The following GPR89A variants were observed in gnomAD, a reference collection of about 807,000 sequenced individuals.
The protein encoded by GPR89A is golgi pH regulator A.
A neutral mutation model predicts 52.0 loss-of-function variants in GPR89A; 16 were observed. The ratio of observed to expected loss-of-function variants is 0.31; its 90% CI spans 0.21 to 0.47. GPR89A has a LOEUF of 0.47. GPR89A is among the 20% of genes least tolerant of loss of function. The probability of loss-of-function intolerance (pLI) is 1.00; values close to 1 mark genes in which losing one functional copy is unlikely to be tolerated. For synonymous variants in GPR89A, 55 were observed against 150.9 expected (o/e 0.36, Z 4.66); for missense variants, 135 against 449.4 (o/e 0.30, Z 6.33).
chr1:145,655,686 A>G (rs1426768243), intron 10 of GPR89A, among the ~76,000 whole-genome samples: 1 of 152,178 alleles, frequency 6.6e-6, no homozygotes, highest in Non-Finnish European at 1.5e-5. Context: ...TCTGGGAGGA[A>G]GCACTGACCT....
At chr1:145,642,782 C>A (rs1293615616) in intron 7 of GPR89A, among the ~76,000 whole-genome samples, 1 of 151,144 alleles carries the variant, frequency 6.6e-6, no homozygotes, top group Admixed American at 6.6e-5. Context: ...TCATTTTATG[C>A]CTGTAGGCCT....
intron 1 of GPR89A, among the ~76,000 whole-genome samples, chr1:145,615,031 CAGTTTAAGAAGAAAAGAGT>C (rs1220954618): frequency 1.3e-5 from 2 of 152,118 alleles, no homozygotes; most frequent in Non-Finnish European, 2.9e-5. Flanking sequence ...AGGTCCTAGC[CAGTTTAAGAAGAAAAGAGT>C]AGTTGTGTCA....
In GPR89A at chr1:145,647,426, C is replaced by A. The variant is rs144847953; in HGVS notation, c.909+159C>A. 4.9e-3 allele frequency among the ~76,000 whole-genome samples: 742 copies of A among 152,228 alleles called. 6 individuals are homozygous for A. Among genetic ancestry groups the A allele is most frequent in the African/African-American group, 0.017 (698 of 41,516 alleles). On this transcript the variant is annotated intron_variant, in intron 10 of 13. Coordinates refer to ENST00000313835, the MANE Select transcript of GPR89A (RefSeq NM_001097612.2). ...ACATCTCTGGGCTTCATTCGTTATC[C>A]TCTCTCCTTTTTAGATTACATAGAT...
intron 12 of GPR89A, among the ~76,000 whole-genome samples, chr1:145,668,998 C>T (rs1394551470): frequency 4.6e-5 from 7 of 151,740 alleles, no homozygotes; most frequent in Admixed American, 6.6e-5. Flanking sequence ...ATTTTTGCAT[C>T]GATGTTCATC....
intron 10 of GPR89A, among the ~76,000 whole-genome samples, chr1:145,659,367 A>G (rs1266576697): frequency 4.0e-5 from 6 of 151,594 alleles, no homozygotes; most frequent in Non-Finnish European, 8.8e-5. Context: ...TTGTATTTTT[A>G]GTAGAGACAG....
chr1:145,665,308 C>A (rs1256156900), intron 11 of GPR89A, among the ~76,000 whole-genome samples: 2 of 151,440 alleles, frequency 1.3e-5, no homozygotes, highest in Non-Finnish European at 3.0e-5. Flanking sequence ...CATAGCAAGA[C>A]CCTGGCTCTA....
chr1:145,646,026 A>C, intron 8 of GPR89A, 158 bp from the exon 9 acceptor site: 1 of 1,067,266 alleles, frequency 9.4e-7, no homozygotes, highest in Non-Finnish European at 1.4e-6. Context: ...GAGGTTGGGA[A>C]AGCTGCTCTG....
intron 10 of GPR89A, among the ~76,000 whole-genome samples, chr1:145,648,738 C>A (rs1185652892): frequency 6.6e-6 from 1 of 151,732 alleles, no homozygotes; most frequent in East Asian, 1.9e-4. Flanking sequence ...GTCTCAGCCT[C>A]CCAAAGTGCT....
rs771426243 is a variant in GPR89A at position 145,659,048 on chromosome 1, A to G, written c.910-4281A>G. Among the ~76,000 whole-genome samples, 87 of 152,098 alleles carry G rather than the reference A, an allele frequency of 5.7e-4. 1 individual carries two copies. The highest frequency in any genetic ancestry group is 1.0e-3 in the Non-Finnish European group (71 of 67,984). The stretch of plus-strand genomic sequence containing the variant: ...AGCCTCGGCCTCCCAAAGTGCTGGG[A>G]TTATATCCGTGAGCCACCATGCCCA... On this transcript the variant is annotated intron_variant, in intron 10 of 13. Transcript: ENST00000313835.
intron 7 of GPR89A, among the ~76,000 whole-genome samples, chr1:145,643,430 T>C (rs1228444271): frequency 1.3e-5 from 2 of 152,140 alleles, no homozygotes; most frequent in Non-Finnish European, 2.9e-5. Context: ...CCTCCCAAAG[T>C]GCTGGGATTA....
At chr1:145,612,531 T>G (rs1343677020) in intron 1 of GPR89A, among the ~76,000 whole-genome samples, 1 of 152,176 alleles carries the variant, frequency 6.6e-6, no homozygotes, top group Non-Finnish European at 1.5e-5. Flanking sequence ...ATTCTGACAC[T>G]TACTATAAAT....
intron 3 of GPR89A, among the ~76,000 whole-genome samples, chr1:145,619,448 A>G (rs1648958037): frequency 6.6e-6 from 1 of 151,848 alleles, no homozygotes; most frequent in African/African-American, 2.4e-5. Context: ...TGTCTCTACA[A>G]AAAAATAAAA....
intron 8 of GPR89A, 92 bp from the exon 9 acceptor site, chr1:145,646,092 T>C: frequency 6.3e-7 from 1 of 1,593,808 alleles, no homozygotes; most frequent in South Asian, 1.1e-5. Context: ...ACTCCGGGAA[T>C]CCACTGTAGG....
rs587755575 is a variant in GPR89A, at chr1:145,638,882, A to G, written c.618-4987A>G. Among the ~76,000 whole-genome samples, 7 of 146,368 alleles carry G rather than the reference A, an allele frequency of 4.8e-5. No individual in the cohort carries two copies. The South Asian group carries it at 1.3e-3, about 27-fold the overall frequency. On this transcript the variant is annotated intron_variant, in intron 7 of 13. Transcript: ENST00000313835. ...GTGAATGCGCTTGACCAGCTACTCA[A>G]GAGGCTAAAGCGAGAGGATTGTTTG... is the stretch of plus-strand genomic sequence containing the variant.
At chr1:145,625,514 A>AT (rs1293295927) in intron 5 of GPR89A, among the ~76,000 whole-genome samples, 1 of 144,718 alleles carries the variant, frequency 6.9e-6, no homozygotes, top group Non-Finnish European at 1.5e-5. Flanking sequence ...TAATTTTGGT[A>AT]TTTTTTCATA....
At chr1:145,650,068 A>G (rs1553693307) in intron 10 of GPR89A, among the ~76,000 whole-genome samples, 2 of 151,614 alleles carry the variant, frequency 1.3e-5, no homozygotes, top group African/African-American at 4.9e-5. Context: ...GATTTGCTGC[A>G]TCTATCAACC....
chr1:145,615,689 G>A (rs1487424355), intron 1 of GPR89A, among the ~76,000 whole-genome samples: 1 of 133,182 alleles, frequency 7.5e-6, no homozygotes. Context: ...GCAGTGGCAC[G>A]ATATTGGCTC....
chr1:145,661,423 G>T (rs1436130494), intron 10 of GPR89A, among the ~76,000 whole-genome samples: 8 of 151,118 alleles, frequency 5.3e-5, no homozygotes, highest in African/African-American at 1.9e-4. Context: ...AACCTGCACA[G>T]TGTGCACATG....
chr1:145,625,935 A>G (rs1161187758), intron 5 of GPR89A, among the ~76,000 whole-genome samples: 1 of 150,722 alleles, frequency 6.6e-6, no homozygotes, highest in African/African-American at 2.5e-5. Context: ...GGAAACTGAC[A>G]CATAACAAGT....
Sources: allele counts gnomAD v4.1 joint callset (sites outside exome capture counted in the v4.1 genomes callset), GRCh38; gene constraint gnomAD v4.1.1; transcripts MANE v1.5; gene names NCBI Gene and HGNC (gene_info 2026-07-23, HGNC 2026-07-21).